The following PCNT variants were observed in gnomAD, a reference collection of about 807,000 sequenced individuals.
The protein encoded by PCNT is pericentrin.
In PCNT, 319 loss-of-function variants were observed where a neutral mutation model predicts 380.4. The observed-to-expected ratio is 0.84, with a 90% CI of 0.77 to 0.92. PCNT has a LOEUF of 0.92. PCNT is among the 40% of genes least tolerant of loss of function. The probability of loss-of-function intolerance (pLI) is 0.00; values close to 1 mark genes in which losing one functional copy is unlikely to be tolerated. For synonymous variants in PCNT, 1,845 were observed against 1,735.2 expected, an observed-to-expected ratio of 1.06 and a Z score of -1.57; for missense variants, 4,400 against 4,255.3, an observed-to-expected ratio of 1.03 and a Z score of -0.95.
chr21:46,351,482 G>T lies in PCNT; in HGVS notation c.1398G>T (p.Glu466Asp). 6.2e-7 allele frequency: 1 copy of T among 1,613,690 alleles called. No homozygotes were observed. Among genetic ancestry groups the T allele is most frequent in the Non-Finnish European group, 8.5e-7 (1 of 1,179,594 alleles). ...ACCTGAAGGCACAATCACAAGAAGA[G>T]ATCAGGCGCTTGTGGTCCCAGCTTG... ...YEDLKAQSQE[E>D]IRRLWSQLDS... The change falls in exon 9 of 47, where the codon GAG becomes GAT. Residue 466 changes from glutamate to aspartate, a missense_variant. Glu to Asp is a conservative substitution (Grantham distance 45). Coordinates refer to ENST00000359568, the MANE Select transcript of PCNT (RefSeq NM_006031.6).
chr21:46,405,252 G>A (rs934523583), intron 27 of PCNT, among the ~76,000 whole-genome samples: 1 of 152,190 alleles, frequency 6.6e-6, no homozygotes, highest in African/African-American at 2.4e-5. Context: ...AATTTTGGAG[G>A]GGACCATAGA....
At chr21:46,409,377 C>T (rs934461594) in intron 27 of PCNT, among the ~76,000 whole-genome samples, 25 of 151,804 alleles carry the variant, frequency 1.6e-4, no homozygotes, top group African/African-American at 5.1e-4. Context: ...TTAGTAGAGA[C>T]GGGGTTTCTC....
At chr21:46,391,412 G>C in intron 21 of PCNT, 36 bp downstream of exon 21, 1 of 1,505,686 alleles carries the variant, frequency 6.6e-7, no homozygotes, top group Non-Finnish European at 9.0e-7. Context: ...GGTGCGAGCT[G>C]TGGGGCGCGG....
chr21:46,338,046 G>A (rs940726725), intron 3 of PCNT, among the ~76,000 whole-genome samples: 1 of 151,992 alleles, frequency 6.6e-6, no homozygotes, highest in Non-Finnish European at 1.5e-5. Flanking sequence ...GCTAAGTTTT[G>A]TTTTTATTTT....
Position 46,436,244 on chromosome 21 carries a change from C to G in PCNT, c.8996+96C>G, listed in dbSNP as rs375170457. 850 of 1,420,112 alleles carry G rather than the reference C, an allele frequency of 6.0e-4. 6 individuals are homozygous for G. The African/African-American group carries it at 0.01, about 17-fold the overall frequency. 88.0% of individuals were successfully genotyped at this position (1,420,112 alleles called of 1,614,324 possible). A position where few individuals can be genotyped will look rare whatever the true frequency, so the allele number is the denominator to read the frequency against. On this transcript the variant is annotated intron_variant, in intron 39 of 46. Transcript: ENST00000359568. ...GGCTGGGGCGCGTCTGGTGTGAGGC[C>G]CCTGCTCCTTTGCACTTAACGCTCT...
chr21:46,430,747 T>G, intron 37 of PCNT, 90 bp downstream of exon 37: 2 of 1,543,910 alleles, frequency 1.3e-6, no homozygotes, highest in Non-Finnish European at 8.7e-7. Flanking sequence ...CTTTTCCTGT[T>G]CTTCATGGCA....
rs758934219 is a variant in PCNT, at chr21:46,422,005, G to C, written c.7060G>C (p.Gly2354Arg). The change falls in exon 32 of 47, where the codon GGG becomes CGG. Residue 2354 changes from glycine (G) to arginine (R), a missense_variant. Transcript: ENST00000359568. ...GGGTTTTGGAGCAAGACTGAGCCCGGGGTCAGGAGGCCCTGAGGCTCAAAC... is the reference window on the plus strand; with the variant it reads ...GGGTTTTGGAGCAAGACTGAGCCCGCGGTCAGGAGGCCCTGAGGCTCAAAC... Reference protein sequence around the residue: ...GSGFGARLSPGSGGPEAQTAG... With the variant: ...GSGFGARLSPRSGGPEAQTAG... 1 of 1,614,098 alleles carries C rather than the reference G, an allele frequency of 6.2e-7. No homozygotes were observed. The highest frequency in any genetic ancestry group is 8.5e-7 in the Non-Finnish European group (1 of 1,180,026).
intron 27 of PCNT, among the ~76,000 whole-genome samples, chr21:46,408,668 C>T (rs1027967279): frequency 6.7e-6 from 1 of 149,288 alleles, no homozygotes; most frequent in Non-Finnish European, 1.5e-5. Flanking sequence ...TTTTTCTATG[C>T]TATTTGCCAT....
At position 46,438,142 on chromosome 21, in the gene PCNT, AATTT is replaced by A. The variant is rs1340562676; in HGVS notation, c.9100-17_9100-14del. The A allele has an allele frequency of 1.9e-6, 3 of 1,603,524 alleles. No homozygotes were observed. The highest frequency in any genetic ancestry group is 2.2e-5 in the South Asian group (2 of 90,374). ...TGCCCTTTAACAACAAATTCTTACAAATTTATTTTCTTTTCTCCAAGAAAAAAAT... is the reference window on the plus strand; with the variant it reads ...TGCCCTTTAACAACAAATTCTTACAAATTTTCTTTTCTCCAAGAAAAAAAT... On this transcript the variant is annotated intron_variant, in intron 40 of 46. Transcript: ENST00000359568.
Position 46,385,944 on chromosome 21 carries a change from C to T in PCNT, c.3425C>T (p.Ser1142Phe), listed in dbSNP as rs1245903344. Reference protein sequence around the residue: ...RENREGANLLSMLKADVNLSH... With the variant: ...RENREGANLLFMLKADVNLSH... Reference sequence around the variant, plus strand: ...AACCGGGAAGGCGCAAACCTCCTCTCCATGCTCAAGGCCGACGTCAACCTG... The same window carrying T: ...AACCGGGAAGGCGCAAACCTCCTCTTCATGCTCAAGGCCGACGTCAACCTG... The change falls in exon 17 of 47, where the codon TCC (serine) becomes TTC (phenylalanine). Residue 1142 changes from serine (S) to phenylalanine (F), a missense_variant. Coordinates refer to ENST00000359568, the MANE Select transcript of PCNT (RefSeq NM_006031.6). 1.2e-6 allele frequency: 2 copies of T among 1,614,194 alleles called. No individual in the cohort carries two copies. The highest frequency in any genetic ancestry group is 1.7e-6 in the Non-Finnish European group (2 of 1,180,038).
intron 27 of PCNT, among the ~76,000 whole-genome samples, chr21:46,405,408 C>A (rs1266161106): frequency 6.6e-6 from 1 of 152,160 alleles, no homozygotes; most frequent in Non-Finnish European, 1.5e-5. Flanking sequence ...TTGAAGAATG[C>A]CTTTTATGGC....
Position 46,354,048 on chromosome 21 carries a change from C to T in PCNT, c.1741C>T (p.Leu581Phe), listed in dbSNP as rs201817865. Residue 581 changes from leucine (L) to phenylalanine (F), a missense_variant, in exon 11 of 47, where the codon CTC becomes TTC. By Grantham distance (22) the Leu-to-Phe change is conservative (BLOSUM62 0). Coordinates refer to ENST00000359568, the MANE Select transcript of PCNT (RefSeq NM_006031.6). ...AGGAAGAAAAGATCACGTTGATGAA[C>T]TCGAGCCTGAGCGACATAAGGTAAT... ...EKGRKDHVDE[L>F]EPERHKESLP... 6.2e-7 allele frequency: 1 copy of T among 1,614,074 alleles called. No homozygotes were observed. Among genetic ancestry groups the T allele is most frequent in the African/African-American group, 1.3e-5 (1 of 75,040 alleles).
At position 46,418,263 on chromosome 21, in the gene PCNT, A is replaced by G. The variant is rs748194669; in HGVS notation, c.6981A>G (p.Ser2327=). Residue 2327 remains serine, a synonymous_variant, in exon 31 of 47, where the codon TCA becomes TCG. Transcript: ENST00000359568. The part of the protein sequence containing the change: ...TSFDSQETLS[S]PPPGLEGKAD... ...TTGATTCTCAAGAAACATTAAGTTC[A>G]CCTCCTCCTGGATTAGAAGGAAAAG... The G allele has an allele frequency of 3.7e-6, 6 of 1,609,486 alleles. No individual in the cohort carries two copies. The South Asian group carries it at 5.5e-5, about 15-fold the overall frequency.
At chr21:46,434,281 G>T (rs112899688) in intron 38 of PCNT, among the ~76,000 whole-genome samples, 26 of 152,310 alleles carry the variant, frequency 1.7e-4, no homozygotes, top group African/African-American at 6.3e-4. Flanking sequence ...TAAGAGGCCC[G>T]AGCATTGAGT....
At chr21:46,390,061 C>T (rs55696640) in intron 19 of PCNT, among the ~76,000 whole-genome samples, 12,918 of 152,348 alleles carry the variant, frequency 0.085, 745 homozygotes, top group East Asian at 0.3. Context: ...GCAACCCATC[C>T]GGAGGGTCTT....
intron 3 of PCNT, among the ~76,000 whole-genome samples, chr21:46,342,464 G>A (rs2083935646): frequency 6.6e-6 from 1 of 151,724 alleles, no homozygotes; most frequent in Non-Finnish European, 1.5e-5. Flanking sequence ...GCAGTGCAAA[G>A]GTTTTCTGTT....
At chr21:46,364,201 C>T (rs1296441765) in intron 14 of PCNT, among the ~76,000 whole-genome samples, 5 of 148,890 alleles carry the variant, frequency 3.4e-5, no homozygotes, top group South Asian at 2.1e-4. Flanking sequence ...GGCTAGCAGT[C>T]GCCGTCCCGG....
chr21:46,399,667 T>C lies in PCNT; in HGVS notation c.4662T>C (p.Asp1554=). 6.2e-7 allele frequency: 1 copy of C among 1,613,802 alleles called. No homozygotes were observed. Among genetic ancestry groups the C allele is most frequent in the East Asian group, 2.2e-5 (1 of 44,890 alleles). The change falls in exon 25 of 47, where the codon GAT becomes GAC. Residue 1554 remains aspartate, a synonymous_variant. Coordinates refer to ENST00000359568, the MANE Select transcript of PCNT (RefSeq NM_006031.6). ...TGGCTATACAGAAAGAGTCGGCAGA[T>C]AGACAAGTGTTAATGCAGGAAGAAG... ...NELAIQKESA[D]RQVLMQEEEI... is the part of the protein sequence containing the mutation.
chr21:46,350,134 TCAC>T (rs984754897), intron 8 of PCNT, among the ~76,000 whole-genome samples: 8 of 151,882 alleles, frequency 5.3e-5, no homozygotes, highest in African/African-American at 1.9e-4. Context: ...AGCTGAGATC[TCAC>T]CACTGCACTC....
Sources: allele counts gnomAD v4.1 joint callset (sites outside exome capture counted in the v4.1 genomes callset), GRCh38; gene constraint gnomAD v4.1.1; transcripts MANE v1.5; gene names NCBI Gene and HGNC (gene_info 2026-07-23, HGNC 2026-07-21).